The following DST variants were observed in gnomAD, a reference collection of about 807,000 sequenced individuals.
DST encodes bullous pemphigoid antigen.
Under a neutral mutation model 875.2 loss-of-function variants are expected in DST, and 253 were observed. That is an observed-to-expected ratio of 0.29 (90% CI 0.26 to 0.32). The LOEUF is 0.32. Ranked by LOEUF, DST falls within the 10% of genes least tolerant of loss-of-function variation. The pLI, the probability that DST is intolerant of heterozygous loss-of-function variation, is 1.00. For missense variants in DST, 8,287 were observed against 9,111.6 expected (o/e 0.91, Z 3.68); for synonymous variants, 3,124 against 3,197.1 (o/e 0.98, Z 0.77).
At chr6:56,712,542 T>C (rs2152896445) in intron 5 of DST, among the ~76,000 whole-genome samples, 1 of 152,340 alleles carries the variant, frequency 6.6e-6, no homozygotes, top group African/African-American at 2.4e-5. Context: ...AGTAGAATGC[T>C]ATTATAATAC....
chr6:56,928,640 A>G (rs943034482), intron 2 of DST, among the ~76,000 whole-genome samples: 8 of 152,242 alleles, frequency 5.3e-5, no homozygotes, highest in South Asian at 2.1e-4. Flanking sequence ...AGGATATACA[A>G]TAATCACTAT....
intron 4 of DST, among the ~76,000 whole-genome samples, chr6:56,762,976 G>A (rs945783721): frequency 6.0e-5 from 9 of 150,202 alleles, no homozygotes; most frequent in African/African-American, 1.2e-4. Flanking sequence ...TCAGCTTCCC[G>A]AGTAGCTGGG....
chr6:56,630,916 G>A (rs2098773893), intron 30 of DST, among the ~76,000 whole-genome samples: 1 of 151,602 alleles, frequency 6.6e-6, no homozygotes, highest in Admixed American at 6.6e-5. Context: ...CCGAGTAGCT[G>A]GGACTACAGA....
intron 95 of DST, 27 bp from the exon 96 acceptor site, chr6:56,470,309 A>G: frequency 6.4e-7 from 1 of 1,556,952 alleles, no homozygotes; most frequent in Non-Finnish European, 8.7e-7. Context: ...AATGGTAAGT[A>G]GTGACTTGTT....
chr6:56,617,138 C>T (rs2098634949), intron 36 of DST: 2 of 1,607,678 alleles, frequency 1.2e-6, no homozygotes, highest in Admixed American at 3.3e-5. Flanking sequence ...CTCAATTGTT[C>T]TCATGTCCAG....
At position 56,472,775 on chromosome 6, in the gene DST, T is replaced by C. The variant is rs2094959900; in HGVS notation, c.21995-553A>G. Among the ~76,000 whole-genome samples the C allele has an allele frequency of 4.6e-5, 7 of 152,330 alleles. 1 individual carries two copies. In the South Asian group the frequency reaches 1.0e-3, roughly 23 times the overall value. ...CGCCCACATCCATTTTCCACTGAGA[T>C]TGCATGTTTCCTGTGCATAGTCTCA... On this transcript the variant is annotated intron_variant, in intron 93 of 103. Coordinates refer to ENST00000680361, the MANE Select transcript of DST (RefSeq NM_001374736.1).
chr6:56,729,287 G>A (rs2099486514), intron 5 of DST, among the ~76,000 whole-genome samples: 7 of 152,162 alleles, frequency 4.6e-5, no homozygotes. Context: ...TAAAGTTGAT[G>A]CTTCAAAAAT....
intron 2 of DST, among the ~76,000 whole-genome samples, chr6:56,935,107 C>A (rs1245502967): frequency 1.3e-5 from 2 of 152,242 alleles, no homozygotes; most frequent in East Asian, 1.9e-4. Context: ...CAGCTCAAGG[C>A]ATGCTTGAGT....
intron 4 of DST, among the ~76,000 whole-genome samples, chr6:56,844,866 C>T (rs1275117097): frequency 1.8e-5 from 2 of 112,170 alleles, no homozygotes; most frequent in African/African-American, 3.2e-5. Context: ...AGCAAGACTC[C>T]GTCTCAAAAA....
At chr6:56,612,956 G>A (rs2098557252) in intron 37 of DST, among the ~76,000 whole-genome samples, 1 of 152,106 alleles carries the variant, frequency 6.6e-6, no homozygotes, top group Admixed American at 6.6e-5. Context: ...TTGAGCTTGG[G>A]AGGTTGCGGC....
At chr6:56,721,747 G>A (rs2099417479) in intron 5 of DST, among the ~76,000 whole-genome samples, 1 of 152,218 alleles carries the variant, frequency 6.6e-6, no homozygotes, top group South Asian at 2.1e-4. Flanking sequence ...TAGAACCACA[G>A]CTGGATTTAC....
chr6:56,844,081 G>C (rs570482415), intron 4 of DST: 3 of 152,454 alleles, frequency 2.0e-5, no homozygotes, highest in African/African-American at 7.2e-5. Context: ...GGGATGATCG[G>C]GGGGAGGGTT....
At chr6:56,477,294 C>T (rs991614502) in intron 91 of DST, 51 bp downstream of exon 91, 14 of 1,574,738 alleles carry the variant, frequency 8.9e-6, no homozygotes, top group Non-Finnish European at 1.2e-5. Flanking sequence ...TCCCACACCC[C>T]TCAACTCTCA....
Position 56,715,576 on chromosome 6 carries a change from C to T in DST, c.688-11207G>A, listed in dbSNP as rs556609593. Among the ~76,000 whole-genome samples the T allele has an allele frequency of 3.3e-5, 5 of 152,194 alleles. No homozygotes were observed. The East Asian group carries it at 9.6e-4, about 29-fold the overall frequency. ...CTTAGCTGACTAGGGAAATTTCTGT[C>T]CAAAAGAAATGCAATTGCCTTAAGA... On this transcript the variant is annotated intron_variant, in intron 5 of 103. Coordinates refer to ENST00000680361, the MANE Select transcript of DST (RefSeq NM_001374736.1).
intron 4 of DST, among the ~76,000 whole-genome samples, chr6:56,735,790 T>C (rs998353573): frequency 1.3e-5 from 2 of 152,232 alleles, no homozygotes; most frequent in Admixed American, 1.3e-4. Context: ...TTGAGACTTT[T>C]TGGCTTGAAG....
At chr6:56,568,259 C>T (rs749848616) in intron 55 of DST, among the ~76,000 whole-genome samples, 1 of 152,104 alleles carries the variant, frequency 6.6e-6, no homozygotes. Flanking sequence ...TAAATACAGT[C>T]TAATAAAATA....
chr6:56,476,527 T>C (rs2095198294), intron 91 of DST, among the ~76,000 whole-genome samples, 190 bp from the exon 92 acceptor site: 1 of 152,226 alleles, frequency 6.6e-6, no homozygotes, highest in Admixed American at 6.5e-5. Flanking sequence ...CCCACGATGA[T>C]GTTCATCATC....
intron 103 of DST, 89 bp from the exon 104 acceptor site, chr6:56,459,356 C>T (rs932741600): frequency 3.9e-5 from 55 of 1,392,992 alleles, no homozygotes; most frequent in Non-Finnish European, 4.7e-5. Flanking sequence ...TTAATCTTAA[C>T]TTTTTTTCCT....
chr6:56,486,599 T>C (rs2095577068), intron 87 of DST, among the ~76,000 whole-genome samples: 1 of 152,016 alleles, frequency 6.6e-6, no homozygotes, highest in African/African-American at 2.4e-5. Flanking sequence ...CATGGAAATG[T>C]AATGAGAAAG....
Sources: allele counts gnomAD v4.1 joint callset (sites outside exome capture counted in the v4.1 genomes callset), GRCh38; gene constraint gnomAD v4.1.1; transcripts MANE v1.5; gene names NCBI Gene and HGNC (gene_info 2026-07-23, HGNC 2026-07-21).